RALYL: variants seen among roughly 807,000 people sequenced by gnomAD.
The protein encoded by RALYL is RNA-binding Raly-like protein.
Under a neutral mutation model 35.1 loss-of-function variants are expected in RALYL, and 29 were observed. That is an observed-to-expected ratio of 0.83 (90% CI 0.61 to 1.13). The LOEUF (loss-of-function observed/expected upper bound fraction) is 1.13. RALYL is among the 50% of genes most tolerant of loss of function. The probability of loss-of-function intolerance (pLI) is 0.00; values close to 1 mark genes in which losing one functional copy is unlikely to be tolerated. For missense variants in RALYL, 359 were observed against 360.4 expected (o/e 1.00, Z 0.03); for synonymous variants, 120 against 127.6 (o/e 0.94, Z 0.40).
At chr8:84,494,532 T>C (rs1283923650) in intron 1 of RALYL, among the ~76,000 whole-genome samples, 1 of 152,188 alleles carries the variant, frequency 6.6e-6, no homozygotes, top group Non-Finnish European at 1.5e-5. Flanking sequence ...TTCCTGTCCA[T>C]GAGGATGGAA....
At chr8:84,347,053 T>A (rs550758469) in intron 1 of RALYL, among the ~76,000 whole-genome samples, 6 of 151,816 alleles carry the variant, frequency 4.0e-5, no homozygotes, top group African/African-American at 1.4e-4. Context: ...CAAAAAAACT[T>A]AGCCAGGCTT....
intron 2 of RALYL, among the ~76,000 whole-genome samples, chr8:84,613,196 GA>G (rs1477730953): frequency 6.6e-6 from 1 of 151,614 alleles, no homozygotes. Flanking sequence ...TCTGAGACCT[GA>G]AAGCCTCAAT....
rs537922776 is a variant in RALYL, at chr8:84,667,683, C to T, written c.257-106896C>T. ...TAATCCCAACTTTGGTCAATGACAG[C>T]CACTTCAGATTGGCTCCAGAGAACT... On this transcript the variant is annotated intron_variant, in intron 2 of 8. Coordinates refer to ENST00000521268, the MANE Select transcript of RALYL (RefSeq NM_173848.7). Among the ~76,000 whole-genome samples the T allele has an allele frequency of 2.0e-5, 3 of 152,120 alleles. No individual in the cohort carries two copies. The South Asian group carries it at 6.2e-4, about 32-fold the overall frequency.
intron 1 of RALYL, among the ~76,000 whole-genome samples, chr8:84,477,678 A>G (rs2053583433): frequency 6.7e-6 from 1 of 148,752 alleles, no homozygotes; most frequent in African/African-American, 2.5e-5. Flanking sequence ...AGAAATAATG[A>G]GTATTATTTG....
At chr8:84,463,016 G>T (rs996476488) in intron 1 of RALYL, among the ~76,000 whole-genome samples, 2 of 151,884 alleles carry the variant, frequency 1.3e-5, no homozygotes, top group Non-Finnish European at 2.9e-5. Flanking sequence ...GAAGCTAAAA[G>T]TACTATATCC....
At chr8:84,712,341 T>C (rs1297800216) in intron 2 of RALYL, among the ~76,000 whole-genome samples, 2 of 152,126 alleles carry the variant, frequency 1.3e-5, no homozygotes, top group Admixed American at 6.6e-5. Context: ...CCGATACAGA[T>C]TGACCTTAAA....
chr8:84,858,821 T>C (rs1397032244), intron 5 of RALYL, among the ~76,000 whole-genome samples: 1 of 152,176 alleles, frequency 6.6e-6, no homozygotes, highest in Non-Finnish European at 1.5e-5. Context: ...CTTGTCTTGT[T>C]ATGTTTTTGT....
chr8:84,766,934 T>C (rs964300609), intron 2 of RALYL, among the ~76,000 whole-genome samples: 3 of 151,924 alleles, frequency 2.0e-5, no homozygotes, highest in African/African-American at 7.3e-5. Flanking sequence ...AGAAACTGAG[T>C]GAAATTATGA....
At chr8:84,728,413 A>G (rs1237717276) in intron 2 of RALYL, among the ~76,000 whole-genome samples, 2 of 151,528 alleles carry the variant, frequency 1.3e-5, no homozygotes, top group African/African-American at 2.4e-5. Flanking sequence ...ATTTTCTCCC[A>G]TTTTGTAGGT....
chr8:84,812,789 T>C (rs1262908085), intron 4 of RALYL, among the ~76,000 whole-genome samples: 1 of 152,090 alleles, frequency 6.6e-6, no homozygotes, highest in Non-Finnish European at 1.5e-5. Context: ...CCCAAGTTGG[T>C]TTGCAGGCAG....
chr8:84,598,411 T>C (rs1004361491), intron 2 of RALYL, among the ~76,000 whole-genome samples: 48 of 152,164 alleles, frequency 3.2e-4, no homozygotes, highest in African/African-American at 1.1e-3. Flanking sequence ...GGAAACTCTG[T>C]AGACCTCCAT....
intron 1 of RALYL, among the ~76,000 whole-genome samples, chr8:84,217,991 A>C (rs764930941): frequency 1.3e-5 from 2 of 151,884 alleles, no homozygotes; most frequent in African/African-American, 4.8e-5. Flanking sequence ...AACATTTAAG[A>C]TTTTTTTTCT....
chr8:84,458,987 A>T (rs944948221), intron 1 of RALYL, among the ~76,000 whole-genome samples: 2 of 151,712 alleles, frequency 1.3e-5, no homozygotes, highest in African/African-American at 4.8e-5. Context: ...AATCATTATG[A>T]ATTATTAATT....
chr8:84,632,735 G>A (rs912472044), intron 2 of RALYL, among the ~76,000 whole-genome samples: 2 of 151,778 alleles, frequency 1.3e-5, no homozygotes, highest in African/African-American at 4.8e-5. Flanking sequence ...ACCCCACCAA[G>A]TTTTGTAGAA....
intron 1 of RALYL, among the ~76,000 whole-genome samples, chr8:84,377,034 G>A (rs1857039752): frequency 6.6e-6 from 1 of 151,824 alleles, no homozygotes. Flanking sequence ...AGTATACTAA[G>A]TCAGGAATAA....
intron 2 of RALYL, among the ~76,000 whole-genome samples, chr8:84,684,972 C>G (rs546514363): frequency 6.6e-6 from 1 of 152,090 alleles, no homozygotes; most frequent in Non-Finnish European, 1.5e-5. Context: ...GGTAGGCAGT[C>G]GCCATTTTGC....
chr8:84,631,652 G>T (rs1001491534), intron 2 of RALYL, among the ~76,000 whole-genome samples: 4 of 151,788 alleles, frequency 2.6e-5, no homozygotes, highest in African/African-American at 9.7e-5. Context: ...CTGAGGTATA[G>T]AATTCAGGAT....
intron 7 of RALYL, among the ~76,000 whole-genome samples, chr8:84,887,269 C>A (rs1843045956): frequency 6.6e-6 from 1 of 152,058 alleles, no homozygotes; most frequent in African/African-American, 2.4e-5. Context: ...CTCAGAAAGA[C>A]CATCCTTATT....
At position 84,916,732 on chromosome 8, in the gene RALYL, T is replaced by C. The variant is rs1387365255; in HGVS notation, c.859-4162T>C. On this transcript the variant is annotated intron_variant, in intron 8 of 8. Transcript: ENST00000521268. ...GAAAACAGACTAATACAGTAAGCCA[T>C]GTCCCAAAACAAATATCCATAAAGA... Among the ~76,000 whole-genome samples, 13 of 152,196 alleles carry C rather than the reference T, an allele frequency of 8.5e-5. 1 individual carries two copies. The highest frequency in any genetic ancestry group is 6.8e-3 in the Middle Eastern group (2 of 294).
Sources: allele counts gnomAD v4.1 joint callset (sites outside exome capture counted in the v4.1 genomes callset), GRCh38; gene constraint gnomAD v4.1.1; transcripts MANE v1.5; gene names NCBI Gene and HGNC (gene_info 2026-07-23, HGNC 2026-07-21).